Variants in ICE1 observed in about 807,000 individuals in gnomAD.
The protein encoded by ICE1 is little elongation complex subunit 1.
In ICE1, 64 loss-of-function variants were observed where a neutral mutation model predicts 192.7. That is an observed-to-expected ratio of 0.33 (90% CI 0.27 to 0.41). The LOEUF (loss-of-function observed/expected upper bound fraction) is 0.41, where lower values mean the gene tolerates loss of function less well. ICE1 is among the 10% of genes least tolerant of loss of function. The pLI is 1.00. For synonymous variants in ICE1, 1,010 were observed against 984.5 expected (o/e 1.03, Z -0.49); for missense variants, 2,708 against 2,696.0 (o/e 1.00, Z -0.10).
intron 1 of ICE1, among the ~76,000 whole-genome samples, chr5:5,425,722 G>A (rs778464440): frequency 6.6e-6 from 1 of 152,152 alleles, no homozygotes; most frequent in South Asian, 2.1e-4. Flanking sequence ...GCATAGTTAC[G>A]TTAGGACAGT....
Position 5,468,906 on chromosome 5 carries a change from A to G in ICE1, c.6140A>G (p.Asn2047Ser). ...HDIFLSQSVI[N>S]KAMQLVARQR... ...ATATTTCTCTCTCAATCGGTGATTA[A>G]TAAAGCAATGCAGTTAGTTGCCAGG... is the stretch of plus-strand genomic sequence containing the variant. Residue 2047 changes from asparagine to serine, a missense_variant, in exon 15 of 19, where the codon AAT (asparagine) becomes AGT (serine). By Grantham distance (46) the Asn-to-Ser change is conservative. This residue lies in a region of ICE1 where 342 missense variants were observed against 419.3 expected (regional missense o/e 0.82). Coordinates refer to ENST00000296564, the MANE Select transcript of ICE1 (RefSeq NM_015325.3). The G allele has an allele frequency of 6.2e-7, 1 of 1,607,620 alleles. No homozygotes were observed. Among genetic ancestry groups the G allele is most frequent in the Non-Finnish European group, 8.5e-7 (1 of 1,177,400 alleles).
chr5:5,440,313 T>G (rs1738002253), intron 4 of ICE1, among the ~76,000 whole-genome samples: 1 of 152,208 alleles, frequency 6.6e-6, no homozygotes, highest in African/African-American at 2.4e-5. Flanking sequence ...ATTCTCTGAT[T>G]GGATTCATCA....
Position 5,461,227 on chromosome 5 carries a change from T to G in ICE1, c.1893T>G (p.Ser631=). ...VAGLDIETSF[S]SSSTLVALSV... is the part of the protein sequence containing the mutation. ...GGCTTGACATTGAAACCAGTTTTTC[T>G]TCCTCTTCTACCTTGGTAGCATTGT... Residue 631 remains serine, a synonymous_variant, in exon 13 of 19, where the codon TCT becomes TCG. Transcript: ENST00000296564. 6.2e-7 allele frequency: 1 copy of G among 1,614,016 alleles called. No individual in the cohort carries two copies. Among genetic ancestry groups the G allele is most frequent in the Non-Finnish European group, 8.5e-7 (1 of 1,179,888 alleles).
chr5:5,487,355 CAAAG>C (rs1413782434), intron 18 of ICE1, among the ~76,000 whole-genome samples: 7 of 152,148 alleles, frequency 4.6e-5, no homozygotes, highest in African/African-American at 1.7e-4. Flanking sequence ...AAGCTTAACT[CAAAG>C]TAACTCTTAT....
At position 5,461,448 on chromosome 5, in the gene ICE1, C is replaced by T; in HGVS notation, c.2114C>T (p.Ala705Val). The T allele has an allele frequency of 6.2e-7, 1 of 1,613,990 alleles. No homozygotes were observed. The highest frequency in any genetic ancestry group is 1.1e-5 in the South Asian group (1 of 91,068). ...AACAACTTGGAGAATAGCTTGTGTG[C>T]CTTGAGCCCTGAATTGGGAGCATCT... is the stretch of plus-strand genomic sequence containing the variant. ...GGNNLENSLC[A>V]LSPELGASNF... The change falls in exon 13 of 19, where the codon GCC (alanine) becomes GTC (valine). Residue 705 changes from alanine (A) to valine (V), a missense_variant. Around this residue, in one of 2 missense-constraint regions of ICE1, gnomAD observed 2,366 missense variants for 2,276.6 expected, o/e 1.04. Transcript: ENST00000296564.
At chr5:5,475,928 TTGAG>T (rs1201448678) in intron 16 of ICE1, 41 bp from the exon 17 acceptor site, 2 of 1,121,506 alleles carry the variant, frequency 1.8e-6, no homozygotes, top group Admixed American at 1.8e-5. Context: ...TTAGTATTAT[TTGAG>T]TGATGATGAG....
chr5:5,445,029 G>A (rs1738170307), intron 7 of ICE1, among the ~76,000 whole-genome samples: 1 of 152,158 alleles, frequency 6.6e-6, no homozygotes, highest in African/African-American at 2.4e-5. Flanking sequence ...TCCTGCACAC[G>A]ATCTTCCTGT....
chr5:5,463,957 T>C lies in ICE1; in HGVS notation c.4623T>C (p.Tyr1541=), dbSNP rs1344438050. Residue 1541 remains tyrosine, a synonymous_variant, in exon 13 of 19, where the codon TAT becomes TAC. Coordinates refer to ENST00000296564, the MANE Select transcript of ICE1 (RefSeq NM_015325.3). The stretch of plus-strand genomic sequence containing the variant: ...AGATTGTTGCGTCTGATCACACATA[T>C]TATAACTCAAAACTAGAGCCATCTG... The part of the protein sequence containing the change: ...ETQIVASDHT[Y]YNSKLEPSGK... 2 of 1,613,802 alleles carry C rather than the reference T, an allele frequency of 1.2e-6. No homozygotes were observed. The highest frequency in any genetic ancestry group is 2.2e-5 in the East Asian group (1 of 44,884).
intron 7 of ICE1, among the ~76,000 whole-genome samples, chr5:5,444,760 G>A (rs1319220131): frequency 2.0e-5 from 3 of 152,046 alleles, no homozygotes; most frequent in Non-Finnish European, 4.4e-5. Context: ...ATGAAATTTT[G>A]TACATTAGGG....
At position 5,454,614 on chromosome 5, in the gene ICE1, G is replaced by A; in HGVS notation, c.667G>A (p.Gly223Ser). 2 of 1,613,512 alleles carry A rather than the reference G, an allele frequency of 1.2e-6. No homozygotes were observed. The highest frequency in any genetic ancestry group is 1.7e-6 in the Non-Finnish European group (2 of 1,179,622). Reference protein sequence around the residue: ...LCVNTTHRLPGEGSRCVPEKP... With the variant: ...LCVNTTHRLPSEGSRCVPEKP... ...TGTAAACACAACACACAGACTACCT[G>A]GTGAAGGCAGCAGGTGTGTCCCAGG... Residue 223 changes from glycine to serine, a missense_variant, in exon 11 of 19, where the codon GGT (glycine) becomes AGT (serine). Physicochemically the swap from Gly to Ser is moderately conservative, Grantham distance 56. Transcript: ENST00000296564.
chr5:5,447,808 AT>A, intron 9 of ICE1, 32 bp from the exon 10 acceptor site: 1 of 1,571,090 alleles, frequency 6.4e-7, no homozygotes, highest in Non-Finnish European at 8.7e-7. Context: ...GATATGTAGT[AT>A]TTTATTAACC....
At position 5,435,274 on chromosome 5, in the gene ICE1, A is replaced by G. The variant is rs146680110; in HGVS notation, c.85-1144A>G. Among the ~76,000 whole-genome samples the G allele has an allele frequency of 2.3e-3, 352 of 152,338 alleles. 1 individual carries two copies. The highest frequency in any genetic ancestry group is 6.8e-3 in the Middle Eastern group (2 of 294). On this transcript the variant is annotated intron_variant, in intron 1 of 18. Coordinates refer to ENST00000296564, the MANE Select transcript of ICE1 (RefSeq NM_015325.3). ...GAAACTATGCATTTGACTTTATTTT[A>G]ATGTGTAGATGTTTTAACAGATATG...
chr5:5,475,392 C>T (rs773889989), intron 16 of ICE1, among the ~76,000 whole-genome samples: 1 of 152,120 alleles, frequency 6.6e-6, no homozygotes, highest in Non-Finnish European at 1.5e-5. Flanking sequence ...CTTTTGTCTA[C>T]ATTAAACTTT....
In ICE1 at chr5:5,436,489, G is replaced by A; in HGVS notation, c.143+13G>A. On this transcript the variant is annotated intron_variant, in intron 2 of 18. Coordinates refer to ENST00000296564, the MANE Select transcript of ICE1 (RefSeq NM_015325.3). The stretch of plus-strand genomic sequence containing the variant: ...TTATCAATACAGAGTAAGTATATTT[G>A]CATGTCGTTTGGCAGAACTTTGTAA... 7.0e-7 allele frequency: 1 copy of A among 1,433,560 alleles called. No homozygotes were observed. The highest frequency in any genetic ancestry group is 9.3e-7 in the Non-Finnish European group (1 of 1,075,620). The allele number at this position is 1,433,560 out of a possible 1,614,324, so 88.8% of individuals were successfully genotyped here.
intron 14 of ICE1, among the ~76,000 whole-genome samples, chr5:5,467,142 C>T (rs543876943): frequency 2.0e-4 from 31 of 152,276 alleles, no homozygotes; most frequent in African/African-American, 7.5e-4. Flanking sequence ...TGAGTATATC[C>T]ATCACTTTTA....
At chr5:5,477,948 A>C (rs904285105) in intron 17 of ICE1, among the ~76,000 whole-genome samples, 3 of 152,038 alleles carry the variant, frequency 2.0e-5, no homozygotes, top group Non-Finnish European at 4.4e-5. Flanking sequence ...CATGCTAAAA[A>C]CTCTCAAACT....
At chr5:5,471,871 A>T (rs947929523) in intron 15 of ICE1, among the ~76,000 whole-genome samples, 1 of 152,126 alleles carries the variant, frequency 6.6e-6, no homozygotes, top group African/African-American at 2.4e-5. Context: ...TCCTCCTCCA[A>T]CTTTTTCTGG....
In ICE1 at chr5:5,483,553, T is replaced by C. The variant is rs190183264; in HGVS notation, c.6521-3168T>C. Among the ~76,000 whole-genome samples, 351 of 152,242 alleles carry C rather than the reference T, an allele frequency of 2.3e-3. 2 individuals carry two copies. The highest frequency in any genetic ancestry group is 3.6e-3 in the Non-Finnish European group (243 of 68,004). ...AAATGTGGTGGAGAATAGAAACTGA[T>C]CTCACTGCAGTGCTCAGTTCTTGGC... is the stretch of plus-strand genomic sequence containing the variant. On this transcript the variant is annotated intron_variant, in intron 17 of 18. Transcript: ENST00000296564.
At chr5:5,427,282 G>A (rs907504436) in intron 1 of ICE1, among the ~76,000 whole-genome samples, 1 of 152,150 alleles carries the variant, frequency 6.6e-6, no homozygotes, top group African/African-American at 2.4e-5. Context: ...CCAAAGTTCT[G>A]GGTTGCAGAA....
Sources: allele counts gnomAD v4.1 joint callset (sites outside exome capture counted in the v4.1 genomes callset), GRCh38; gene constraint gnomAD v4.1.1; regional missense constraint gnomAD v4.1.1; transcripts MANE v1.5; gene names NCBI Gene and HGNC (gene_info 2026-07-23, HGNC 2026-07-21).